The following ZNF362 variants were observed in gnomAD, a reference collection of about 807,000 sequenced individuals.
ZNF362 encodes the protein zinc finger protein 362.
A neutral mutation model predicts 42.9 loss-of-function variants in ZNF362; 11 were observed. The observed-to-expected ratio is 0.26, with a 90% CI of 0.16 to 0.42. ZNF362 has a LOEUF of 0.42. Ranked by LOEUF, ZNF362 falls within the 20% of genes least tolerant of loss-of-function variation. The probability of loss-of-function intolerance (pLI) is 1.00; values close to 1 mark genes in which losing one functional copy is unlikely to be tolerated. For missense variants in ZNF362, 362 were observed against 576.2 expected, an observed-to-expected ratio of 0.63 and a Z score of 3.81; for synonymous variants, 255 against 257.3, an observed-to-expected ratio of 0.99 and a Z score of 0.09.
At chr1:33,282,389 A>G (rs1646002150) in intron 6 of ZNF362, among the ~76,000 whole-genome samples, 1 of 152,240 alleles carries the variant, frequency 6.6e-6, no homozygotes, top group Non-Finnish European at 1.5e-5. Context: ...ATACTTATAG[A>G]AACTTTTACT....
At chr1:33,237,341 C>T in the ZNF362 span, among the ~76,000 whole-genome samples, 1 of 151,964 alleles carries the variant, frequency 6.6e-6, no homozygotes, top group Non-Finnish European at 1.5e-5. Flanking sequence ...GCAGACTGAC[C>T]AAGGCTGCAG....
chr1:33,264,169 C>T (rs1270004748), intron 1 of ZNF362, among the ~76,000 whole-genome samples: 1 of 152,202 alleles, frequency 6.6e-6, no homozygotes, highest in East Asian at 1.9e-4. Context: ...GTCTAGAAAG[C>T]TCCTGGGGGC....
the ZNF362 span, among the ~76,000 whole-genome samples, chr1:33,224,178 C>T: frequency 6.6e-6 from 1 of 152,014 alleles, no homozygotes; most frequent in Non-Finnish European, 1.5e-5. Flanking sequence ...GATATTGGCA[C>T]TGACTTTAAA....
At chr1:33,158,049 C>T in the ZNF362 span, among the ~76,000 whole-genome samples, 5 of 152,212 alleles carry the variant, frequency 3.3e-5, no homozygotes, top group Admixed American at 2.0e-4. Flanking sequence ...GCCACCACGC[C>T]CAGCCATCTC....
the ZNF362 span, among the ~76,000 whole-genome samples, chr1:33,250,571 A>G: frequency 2.0e-5 from 3 of 152,080 alleles, no homozygotes; most frequent in African/African-American, 4.8e-5. Context: ...GGAGCAACAC[A>G]TACTGGGGCC....
intron 6 of ZNF362, among the ~76,000 whole-genome samples, chr1:33,287,319 T>C (rs1242522769): frequency 2.0e-5 from 3 of 152,174 alleles, no homozygotes; most frequent in African/African-American, 7.2e-5. Flanking sequence ...GAGACCCATC[T>C]CTACAGAAAA....
the ZNF362 span, chr1:33,181,158 G>A: frequency 1.3e-5 from 21 of 1,599,118 alleles, no homozygotes; most frequent in East Asian, 1.6e-4. This position sits in a 1 kb window ranked among gnomAD's most constrained non-coding sequence, Gnocchi z 6.5. Context: ...CGCCTGGCAG[G>A]GTCGCGCGGC....
chr1:33,272,141 G>C (rs1204305425), intron 2 of ZNF362, among the ~76,000 whole-genome samples: 1 of 152,220 alleles, frequency 6.6e-6, no homozygotes, highest in East Asian at 1.9e-4. Flanking sequence ...AGGTGTCATG[G>C]TACACAGGCC....
the ZNF362 span, among the ~76,000 whole-genome samples, chr1:33,243,108 A>AATATG: frequency 6.9e-6 from 1 of 144,442 alleles, no homozygotes; most frequent in Non-Finnish European, 1.5e-5. Flanking sequence ...CACAACTGTT[A>AATATG]TTATGTTATG....
chr1:33,263,170 A>C (rs1230221220), intron 1 of ZNF362, among the ~76,000 whole-genome samples: 1 of 152,230 alleles, frequency 6.6e-6, no homozygotes, highest in South Asian at 2.1e-4. Context: ...GCCGTTGCGC[A>C]GTGTGTCTCA....
At chr1:33,130,612 T>C in the ZNF362 span, among the ~76,000 whole-genome samples, 1 of 152,194 alleles carries the variant, frequency 6.6e-6, no homozygotes, top group Non-Finnish European at 1.5e-5. Flanking sequence ...ATTGCAGCCA[T>C]GTGAGAGGCC....
the ZNF362 span, among the ~76,000 whole-genome samples, chr1:33,183,057 C>A: frequency 6.6e-6 from 1 of 152,158 alleles, no homozygotes; most frequent in Non-Finnish European, 1.5e-5. Context: ...CGCATCAACG[C>A]CCTGGGTTGC....
At chr1:33,139,398 C>T in the ZNF362 span, among the ~76,000 whole-genome samples, 1 of 152,182 alleles carries the variant, frequency 6.6e-6, no homozygotes, top group Admixed American at 6.5e-5. Context: ...GACAGGATCC[C>T]CATCTTGAGA....
the ZNF362 span, among the ~76,000 whole-genome samples, chr1:33,193,004 C>CACAT: frequency 6.0e-3 from 827 of 137,268 alleles, 11 homozygotes; most frequent in African/African-American, 0.02. Context: ...CACACACACA[C>CACAT]ATATATATAT....
chr1:33,174,981 A>C, the ZNF362 span, among the ~76,000 whole-genome samples: 29 of 120,298 alleles, frequency 2.4e-4, no homozygotes, highest in South Asian at 7.8e-3. Context: ...ACACATATAC[A>C]TATATATGCA....
At chr1:33,241,495 C>CA in the ZNF362 span, among the ~76,000 whole-genome samples, 5,281 of 90,974 alleles carry the variant, frequency 0.058, 268 homozygotes, top group African/African-American at 0.17. Context: ...AACTCCATCT[C>CA]AAAAAAAAAA....
At chr1:33,229,832 C>T in the ZNF362 span, among the ~76,000 whole-genome samples, 1 of 152,168 alleles carries the variant, frequency 6.6e-6, no homozygotes, top group Non-Finnish European at 1.5e-5. Context: ...GCGTCCCTCC[C>T]TCTGCTCTCT....
At chr1:33,161,844 C>G in the ZNF362 span, among the ~76,000 whole-genome samples, 3 of 152,180 alleles carry the variant, frequency 2.0e-5, no homozygotes, top group Non-Finnish European at 4.4e-5. The surrounding 1 kb of genome is among the most constrained non-coding windows in gnomAD (Gnocchi z 4.3). Context: ...TCTGCTTTGC[C>G]TCCCATCTCT....
the ZNF362 span, among the ~76,000 whole-genome samples, chr1:33,174,945 G>GTGTATA: frequency 2.2e-3 from 308 of 141,732 alleles, 3 homozygotes; most frequent in African/African-American, 7.7e-3. Flanking sequence ...ATATATGTGT[G>GTGTATA]TATATATATA....
Sources: allele counts gnomAD v4.1 joint callset (sites outside exome capture counted in the v4.1 genomes callset), GRCh38; gene constraint gnomAD v4.1.1; non-coding constraint Gnocchi (gnomAD v3.1); transcripts MANE v1.5; gene names NCBI Gene and HGNC (gene_info 2026-07-23, HGNC 2026-07-21).